FGF20: variants seen among roughly 807,000 people sequenced by gnomAD.
The protein encoded by FGF20 is fibroblast growth factor 20.
In FGF20, 8 loss-of-function variants were observed where a neutral mutation model predicts 16.7. The ratio of observed to expected loss-of-function variants is 0.48; its 90% CI spans 0.28 to 0.87. The LOEUF is 0.87. Ranked by LOEUF, FGF20 falls within the 40% of genes least tolerant of loss-of-function variation. The probability of loss-of-function intolerance (pLI) is 0.10; values close to 1 mark genes in which losing one functional copy is unlikely to be tolerated. For missense variants in FGF20, 397 were observed against 281.4 expected, an observed-to-expected ratio of 1.41 and a Z score of -2.94; for synonymous variants, 161 against 118.6, an observed-to-expected ratio of 1.36 and a Z score of -2.32.
intron 1 of FGF20, among the ~76,000 whole-genome samples, chr8:16,998,759 CT>C (rs893744981): frequency 4.2e-4 from 61 of 146,214 alleles, no homozygotes; most frequent in Admixed American, 4.8e-4. Context: ...TCAGGCTAAA[CT>C]TTTTTTTTTT....
chr8:16,995,736 C>G lies in FGF20; in HGVS notation c.309G>C (p.Val103=), dbSNP rs1226281023. ...CTCTAATACTGACCAGTCCCACTGC[C>G]ACACTGATGAATTCCAAGATACCTG... ...SLFGILEFIS[V]AVGLVSIRGV... The change falls in exon 2 of 3, where the codon GTG becomes GTC. Residue 103 remains valine (V), a synonymous_variant. Coordinates refer to ENST00000180166, the MANE Select transcript of FGF20 (RefSeq NM_019851.3). 6.2e-7 allele frequency: 1 copy of G among 1,602,142 alleles called. No homozygotes were observed. Among genetic ancestry groups the G allele is most frequent in the East Asian group, 2.2e-5 (1 of 44,828 alleles).
intron 1 of FGF20, 101 bp from the exon 2 acceptor site, chr8:16,995,859 T>C (rs1810030415): frequency 3.3e-6 from 2 of 607,622 alleles, no homozygotes; most frequent in African/African-American, 3.6e-5. Flanking sequence ...TCGGCCATTA[T>C]TGCCAAATAT....
chr8:16,995,852 G>C, intron 1 of FGF20, 94 bp from the exon 2 acceptor site: 1 of 622,796 alleles, frequency 1.6e-6, no homozygotes, highest in Non-Finnish European at 2.8e-6. Flanking sequence ...GCGGTAGTCG[G>C]CCATTATTGC....
chr8:16,994,676 G>A (rs1810002413), intron 2 of FGF20, among the ~76,000 whole-genome samples: 1 of 152,012 alleles, frequency 6.6e-6, no homozygotes, highest in Non-Finnish European at 1.5e-5. Flanking sequence ...GAATATTGTG[G>A]TTCCAGTTGA....
Position 16,993,229 on chromosome 8 carries a change from T to C in FGF20, c.479A>G (p.Asp160Gly). ...TGCCACAAAATACCTGCGGCCAGTG[T>C]CTCCATGTTTATATATGTTAGATGA... ...TYSSNIYKHG[D>G]TGRRYFVALN... Residue 160 changes from aspartate (D) to glycine (G), a missense_variant, in exon 3 of 3, where the codon GAC (aspartate) becomes GGC (glycine). Coordinates refer to ENST00000180166, the MANE Select transcript of FGF20 (RefSeq NM_019851.3). 6.2e-7 allele frequency: 1 copy of C among 1,614,144 alleles called. No individual in the cohort carries two copies. The highest frequency in any genetic ancestry group is 8.5e-7 in the Non-Finnish European group (1 of 1,180,014).
intron 2 of FGF20, among the ~76,000 whole-genome samples, chr8:16,993,930 A>G (rs893687314): frequency 1.3e-5 from 2 of 152,170 alleles, no homozygotes; most frequent in African/African-American, 4.8e-5. Context: ...AATGGAGAGC[A>G]GCATGTAAAT....
intron 2 of FGF20, among the ~76,000 whole-genome samples, chr8:16,995,254 G>A (rs1315315601): frequency 1.3e-5 from 2 of 152,172 alleles, no homozygotes; most frequent in African/African-American, 4.8e-5. Flanking sequence ...GCAAGTAAGT[G>A]ACGTATATTT....
chr8:16,993,217 C>T lies in FGF20; in HGVS notation c.491G>A (p.Arg164Lys), dbSNP rs752318885. ...NIYKHGDTGRRYFVALNKDGT... is the reference protein window; with the variant it reads ...NIYKHGDTGRKYFVALNKDGT... ...GTCTTTGTTAAGTGCCACAAAATAC[C>T]TGCGGCCAGTGTCTCCATGTTTATA... Residue 164 changes from arginine (R) to lysine (K), a missense_variant, in exon 3 of 3, where the codon AGG (arginine) becomes AAG (lysine). Coordinates refer to ENST00000180166, the MANE Select transcript of FGF20 (RefSeq NM_019851.3). 1.9e-6 allele frequency: 3 copies of T among 1,614,094 alleles called. No individual in the cohort carries two copies. The highest frequency in any genetic ancestry group is 2.5e-6 in the Non-Finnish European group (3 of 1,180,000).
chr8:16,998,003 C>G (rs1339922888), intron 1 of FGF20, among the ~76,000 whole-genome samples: 4 of 152,018 alleles, frequency 2.6e-5, no homozygotes, highest in Non-Finnish European at 4.4e-5. Context: ...TTTCAAAGAA[C>G]AGGAACTGAT....
chr8:16,997,311 A>T (rs745817528), intron 1 of FGF20, among the ~76,000 whole-genome samples: 2 of 152,152 alleles, frequency 1.3e-5, no homozygotes, highest in South Asian at 4.1e-4. Context: ...CCTCAATAGC[A>T]TTCTACCTTC....
chr8:17,001,908 C>A lies in FGF20; in HGVS notation c.125G>T (p.Ser42Ile), dbSNP rs1382953827. The A allele has an allele frequency of 6.7e-7, 1 of 1,485,860 alleles. No individual in the cohort carries two copies. The highest frequency in any genetic ancestry group is 8.9e-7 in the Non-Finnish European group (1 of 1,119,908). 92.0% of individuals were successfully genotyped at this position (1,485,860 alleles called of 1,614,324 possible). A position where few individuals can be genotyped will look rare whatever the true frequency, so the allele number is the denominator to read the frequency against. Reference protein sequence around the residue: ...ERPPLLGERRSAAERSARGGP... With the variant: ...ERPPLLGERRIAAERSARGGP... ...GCCGCGCGCGCTCCGCTCCGCCGCG[C>A]TCCTGCGCTCGCCCAGCAGCGGCGG... The change falls in exon 1 of 3, where the codon AGC becomes ATC. Residue 42 changes from serine to isoleucine, a missense_variant. Ser to Ile is a moderately radical substitution (Grantham distance 142). Coordinates refer to ENST00000180166, the MANE Select transcript of FGF20 (RefSeq NM_019851.3).
At position 16,995,777 on chromosome 8, in the gene FGF20, C is replaced by A; in HGVS notation, c.287-19G>T. The A allele has an allele frequency of 7.3e-7, 1 of 1,362,776 alleles. No individual in the cohort carries two copies. The allele number at this position is 1,362,776 out of a possible 1,614,324, so 84.4% of individuals were successfully genotyped here. A position where few individuals can be genotyped will look rare whatever the true frequency, so the allele number is the denominator to read the frequency against. ...AAGATACCTGCATATGTAAACAATT[C>A]ATAAAAACACCATGTTTTGTATTTA... On this transcript the variant is annotated intron_variant, in intron 1 of 2. Coordinates refer to ENST00000180166, the MANE Select transcript of FGF20 (RefSeq NM_019851.3).
intron 2 of FGF20, among the ~76,000 whole-genome samples, chr8:16,993,524 G>A (rs1228305512): frequency 2.0e-5 from 3 of 151,234 alleles, no homozygotes; most frequent in Non-Finnish European, 4.4e-5. Context: ...TAAAGTTGCA[G>A]TCCCCACCTC....
At chr8:17,001,619 G>C in intron 1 of FGF20, 128 bp downstream of exon 1, 1 of 1,136,646 alleles carries the variant, frequency 8.8e-7, no homozygotes, top group Non-Finnish European at 1.2e-6. Flanking sequence ...CACCGGATGG[G>C]TCCAGGGGAG....
At chr8:16,995,993 G>C (rs1312187243) in intron 1 of FGF20, among the ~76,000 whole-genome samples, 1 of 152,144 alleles carries the variant, frequency 6.6e-6, no homozygotes, top group Admixed American at 6.5e-5. Context: ...AGTATAAAGG[G>C]GTTCCCAGAG....
intron 1 of FGF20, among the ~76,000 whole-genome samples, chr8:16,998,184 G>GA (rs1377291728): frequency 1.6e-4 from 24 of 152,194 alleles, no homozygotes; most frequent in Non-Finnish European, 3.1e-4. Context: ...TCAGCTTGCC[G>GA]AAAAAATATG....
intron 1 of FGF20, among the ~76,000 whole-genome samples, chr8:16,997,767 A>G (rs958642025): frequency 6.6e-6 from 1 of 152,142 alleles, no homozygotes; most frequent in Admixed American, 6.6e-5. Flanking sequence ...GGAAAATCAA[A>G]CTCACTGCCA....
intron 1 of FGF20, 117 bp from the exon 2 acceptor site, chr8:16,995,875 T>C: frequency 1.8e-6 from 1 of 561,580 alleles, no homozygotes; most frequent in African/African-American, 1.9e-5. Flanking sequence ...AATATAATGA[T>C]GTACGTGTAA....
intron 2 of FGF20, among the ~76,000 whole-genome samples, chr8:16,994,328 G>T (rs1233591277): frequency 6.6e-6 from 1 of 152,092 alleles, no homozygotes; most frequent in Non-Finnish European, 1.5e-5. Context: ...TTTACTAACT[G>T]TTTGATGATA....
Sources: gnomAD v4.1 joint callset for allele counts (sites outside exome capture counted in the v4.1 genomes callset) on GRCh38, gnomAD v4.1.1 for gene constraint, MANE v1.5 for transcripts, NCBI Gene and HGNC (gene_info 2026-07-23, HGNC 2026-07-21) for gene names.